Variants in HCN1 observed in about 807,000 individuals in gnomAD.
HCN1 encodes the protein hyperpolarization activated cyclic nucleotide gated potassium channel 1, also known as potassium/sodium hyperpolarization-activated cyclic nucleotide-gated channel 1.
Under a neutral mutation model 78.9 loss-of-function variants are expected in HCN1, and 13 were observed. That is an observed-to-expected ratio of 0.16 (90% CI 0.11 to 0.26). The LOEUF (loss-of-function observed/expected upper bound fraction) is 0.26, where lower values mean the gene tolerates loss of function less well. Ranked by LOEUF, HCN1 falls within the 10% of genes least tolerant of loss-of-function variation. The pLI, the probability that HCN1 is intolerant of heterozygous loss-of-function variation, is 1.00. For synonymous variants in HCN1, 552 were observed against 455.5 expected (o/e 1.21, Z -2.70); for missense variants, 810 against 1,154.3 (o/e 0.70, Z 4.32).
At chr5:45,595,462 T>G (rs1400380105) in intron 2 of HCN1, among the ~76,000 whole-genome samples, 1 of 152,082 alleles carries the variant, frequency 6.6e-6, no homozygotes, top group East Asian at 1.9e-4. Flanking sequence ...CTCAGCCTCC[T>G]GAGTAGCTGG....
intron 5 of HCN1, among the ~76,000 whole-genome samples, chr5:45,335,013 C>T (rs1309445080): frequency 6.6e-6 from 1 of 151,968 alleles, no homozygotes; most frequent in African/African-American, 2.4e-5. Flanking sequence ...TAAAGGTCAG[C>T]AGGATGGGAT....
intron 2 of HCN1, among the ~76,000 whole-genome samples, chr5:45,633,618 G>C (rs573390911): frequency 4.6e-5 from 7 of 151,832 alleles, no homozygotes; most frequent in African/African-American, 1.4e-4. Context: ...CTTTTAGCAG[G>C]GGTTACTATT....
intron 2 of HCN1, among the ~76,000 whole-genome samples, chr5:45,596,805 T>G (rs111971996): frequency 3.3e-5 from 5 of 152,210 alleles, no homozygotes; most frequent in African/African-American, 1.2e-4. Flanking sequence ...AGTTGCTGAC[T>G]GAATAAACTA....
At chr5:45,591,797 G>T (rs962405612) in intron 2 of HCN1, among the ~76,000 whole-genome samples, 2 of 152,088 alleles carry the variant, frequency 1.3e-5, no homozygotes, top group Non-Finnish European at 2.9e-5. Flanking sequence ...TTTTAATGAA[G>T]CCCAGGTTAT....
intron 3 of HCN1, among the ~76,000 whole-genome samples, chr5:45,404,017 C>A (rs1739872823): frequency 6.6e-6 from 1 of 152,124 alleles, no homozygotes; most frequent in Admixed American, 6.5e-5. Context: ...TATAAGCCTA[C>A]AAAAGTCATA....
Position 45,256,043 on chromosome 5 carries a change from T to A in HCN1, c.*5878A>T, listed in dbSNP as rs553837878. 1 of 152,324 alleles carries A rather than the reference T, an allele frequency of 6.6e-6. No homozygotes were observed. The highest frequency in any genetic ancestry group is 2.4e-5 in the African/African-American group (1 of 41,584). 9.4% of individuals were successfully genotyped at this position (152,324 alleles called of 1,614,324 possible). A position where few individuals can be genotyped will look rare whatever the true frequency, so the allele number is the denominator to read the frequency against. On this transcript the variant is annotated 3_prime_UTR_variant, in exon 8 of 8. Transcript: ENST00000303230. The stretch of plus-strand genomic sequence containing the variant: ...AATTGAATGAATCAATAGTATTCTC[T>A]GCTCATATGGTATTACTGAAACAAC...
chr5:45,258,765 A>G lies in HCN1; in HGVS notation c.*3156T>C, dbSNP rs1407887993. On this transcript the variant is annotated 3_prime_UTR_variant, in exon 8 of 8. Coordinates refer to ENST00000303230, the MANE Select transcript of HCN1 (RefSeq NM_021072.4). ...TATAAATATGAATGTATTTATATAAACCTGTTTTGTTATAATAGAGCCCAA... is the reference window on the plus strand; with the variant it reads ...TATAAATATGAATGTATTTATATAAGCCTGTTTTGTTATAATAGAGCCCAA... 1.3e-5 allele frequency: 2 copies of G among 151,894 alleles called. No homozygotes were observed. Among genetic ancestry groups the G allele is most frequent in the East Asian group, 1.9e-4 (1 of 5,166 alleles). The allele number at this position is 151,894 out of a possible 1,614,324, so 9.4% of individuals were successfully genotyped here.
Position 45,653,750 on chromosome 5 carries a change from T to C in HCN1, c.426-8142A>G, listed in dbSNP as rs1446175203. 3.3e-5 allele frequency among the ~76,000 whole-genome samples: 5 copies of C among 151,886 alleles called. No individual in the cohort carries two copies. The East Asian group carries it at 9.7e-4, about 29-fold the overall frequency. On this transcript the variant is annotated intron_variant, in intron 1 of 7. Transcript: ENST00000303230. The stretch of plus-strand genomic sequence containing the variant: ...ACACATGGACACAGGAAGGGAAACA[T>C]CACACTCTGGGGACTATTGTGGGTG...
At chr5:45,683,729 G>A (rs1739750457) in intron 1 of HCN1, among the ~76,000 whole-genome samples, 1 of 151,494 alleles carries the variant, frequency 6.6e-6, no homozygotes, top group South Asian at 2.1e-4. Context: ...GGAGTGCAGT[G>A]GTGTCATCTT....
intron 2 of HCN1, among the ~76,000 whole-genome samples, chr5:45,582,382 C>G (rs1744099735): frequency 6.6e-6 from 1 of 152,138 alleles, no homozygotes; most frequent in Non-Finnish European, 1.5e-5. Context: ...TATCCTGAGA[C>G]TTTGCTGAAG....
intron 5 of HCN1, among the ~76,000 whole-genome samples, chr5:45,349,069 C>T (rs543391741): frequency 6.6e-6 from 1 of 152,290 alleles, no homozygotes; most frequent in South Asian, 2.1e-4. Flanking sequence ...ATAGAATATA[C>T]ATTTTTTTCA....
At chr5:45,571,852 T>G (rs778333170) in intron 2 of HCN1, among the ~76,000 whole-genome samples, 46 of 152,154 alleles carry the variant, frequency 3.0e-4, no homozygotes, top group Non-Finnish European at 6.2e-4. Context: ...AGGCAGAGGT[T>G]GCAGTGAGCT....
chr5:45,534,404 C>CAAAA (rs71000637), intron 2 of HCN1, among the ~76,000 whole-genome samples: 653 of 29,314 alleles, frequency 0.022, 136 homozygotes, highest in Middle Eastern at 0.05. Flanking sequence ...GACTGCATCT[C>CAAAA]AAAAAAAAAA....
intron 4 of HCN1, among the ~76,000 whole-genome samples, chr5:45,387,608 A>C (rs1747951645): frequency 6.6e-6 from 1 of 152,128 alleles, no homozygotes; most frequent in Admixed American, 6.6e-5. Context: ...CATTTCTAAC[A>C]GATGGCTTAA....
At chr5:45,460,211 G>A (rs1020778683) in intron 3 of HCN1, among the ~76,000 whole-genome samples, 1 of 152,060 alleles carries the variant, frequency 6.6e-6, no homozygotes, top group Non-Finnish European at 1.5e-5. Flanking sequence ...AGGTGTTTAG[G>A]TCATGATTGC....
chr5:45,442,186 G>A (rs185839747), intron 3 of HCN1, among the ~76,000 whole-genome samples: 1 of 152,226 alleles, frequency 6.6e-6, no homozygotes, highest in East Asian at 1.9e-4. Flanking sequence ...TCAAAGTCCA[G>A]CTGAACTGCT....
chr5:45,494,739 C>A (rs1025520749), intron 2 of HCN1, among the ~76,000 whole-genome samples: 12 of 152,044 alleles, frequency 7.9e-5, no homozygotes, highest in Admixed American at 6.6e-5. Context: ...TTAGGTCTAA[C>A]GTTTAAGTCT....
At chr5:45,571,573 T>C (rs1408363232) in intron 2 of HCN1, among the ~76,000 whole-genome samples, 2 of 152,184 alleles carry the variant, frequency 1.3e-5, no homozygotes, top group African/African-American at 4.8e-5. Flanking sequence ...TCCATGCCTG[T>C]TCTACTCAGG....
rs185494241 is a variant in HCN1 at position 45,631,907 on chromosome 5, A to G, written c.849+13278T>C. Reference sequence around the variant, plus strand: ...GCATTTGCTTTTCATGTCAAATAATAACTGAACAAAATAAATTATCATCCA... The same window carrying G: ...GCATTTGCTTTTCATGTCAAATAATGACTGAACAAAATAAATTATCATCCA... On this transcript the variant is annotated intron_variant, in intron 2 of 7. Coordinates refer to ENST00000303230, the MANE Select transcript of HCN1 (RefSeq NM_021072.4). Among the ~76,000 whole-genome samples the G allele has an allele frequency of 6.6e-5, 10 of 152,314 alleles. No homozygotes were observed. The East Asian group carries it at 1.9e-3, about 29-fold the overall frequency.
Sources: allele counts gnomAD v4.1 joint callset (sites outside exome capture counted in the v4.1 genomes callset), GRCh38; gene constraint gnomAD v4.1.1; transcripts MANE v1.5; gene names NCBI Gene and HGNC (gene_info 2026-07-23, HGNC 2026-07-21).